SPON1: variants seen among roughly 807,000 people sequenced by gnomAD.
SPON1 encodes spondin 1, also known as spondin-1.
In SPON1, 52 loss-of-function variants were observed where a neutral mutation model predicts 111.7. The ratio of observed to expected loss-of-function variants is 0.47; its 90% confidence interval spans 0.37 to 0.59. SPON1 has a LOEUF of 0.59. Ranked by LOEUF, SPON1 falls within the 20% of genes least tolerant of loss-of-function variation. The pLI is 0.00. For missense variants in SPON1, 957 were observed against 1,068.5 expected (o/e 0.90, Z 1.46); for synonymous variants, 410 against 395.8 (o/e 1.04, Z -0.43).
At chr11:14,181,863 T>C (rs1848238266) in intron 6 of SPON1, among the ~76,000 whole-genome samples, 1 of 152,226 alleles carries the variant, frequency 6.6e-6, no homozygotes, top group Non-Finnish European at 1.5e-5. Context: ...TTGTTTTTTG[T>C]TTTTAGTAAT....
chr11:13,983,276 C>T (rs1554909929), intron 2 of SPON1, among the ~76,000 whole-genome samples: 2 of 152,238 alleles, frequency 1.3e-5, no homozygotes, highest in Admixed American at 6.5e-5. Flanking sequence ...ACAGGCATTT[C>T]GTGATTGACT....
Position 14,262,933 on chromosome 11 carries a change from AGTGAGCAGCTGAAGGAAGAGTCTGAAG to A in SPON1, c.2220_2246del (p.Ser740_Gly749delinsArg). On this transcript the variant is annotated inframe_deletion, in exon 15 of 16. Coordinates refer to ENST00000576479, the MANE Select transcript of SPON1 (RefSeq NM_006108.4). ...GAGGGAGGCCCGAGAGAGCCGGCGG[AGTGAGCAGCTGAAGGAAGAGTCTGAAG>A]GGGAGCAGTTCCCAGGTATGGCTCC... 1.2e-6 allele frequency: 2 copies of A among 1,613,430 alleles called. No homozygotes were observed. The highest frequency in any genetic ancestry group is 1.7e-6 in the Non-Finnish European group (2 of 1,179,786).
chr11:14,042,215 A>C (rs1398278588), intron 3 of SPON1, among the ~76,000 whole-genome samples: 1 of 152,206 alleles, frequency 6.6e-6, no homozygotes, highest in African/African-American at 2.4e-5. Flanking sequence ...TCTGGAAGGT[A>C]GCATTATCTC....
At chr11:13,988,089 C>A (rs868934314) in intron 2 of SPON1, among the ~76,000 whole-genome samples, 3 of 151,892 alleles carry the variant, frequency 2.0e-5, no homozygotes, top group East Asian at 1.9e-4. Flanking sequence ...ATTCTGTGAG[C>A]AAAGTCAGTG....
chr11:14,161,111 A>T (rs61106776), intron 6 of SPON1, among the ~76,000 whole-genome samples: 14 of 94,364 alleles, frequency 1.5e-4, no homozygotes, highest in East Asian at 5.7e-4. Context: ...TTTTATATAT[A>T]TCTATATATC....
chr11:13,971,854 G>A (rs1404307105), intron 1 of SPON1, among the ~76,000 whole-genome samples: 2 of 152,164 alleles, frequency 1.3e-5, no homozygotes, highest in African/African-American at 4.8e-5. Context: ...GGGGAGAAGA[G>A]AACCATGAGT....
intron 5 of SPON1, among the ~76,000 whole-genome samples, chr11:14,118,834 C>G (rs1849284159): frequency 3.3e-5 from 5 of 152,190 alleles, no homozygotes; most frequent in Admixed American, 3.3e-4. Flanking sequence ...CAAATCTCAG[C>G]CCTGCCACCT....
chr11:14,160,898 TATATATTTA>T (rs1564919692), intron 6 of SPON1, among the ~76,000 whole-genome samples: 3 of 54,650 alleles, frequency 5.5e-5, no homozygotes, highest in African/African-American at 2.3e-4. Flanking sequence ...TATATATATT[TATATATTTA>T]TATATATATT....
intron 2 of SPON1, among the ~76,000 whole-genome samples, chr11:13,988,429 C>T (rs1370530317): frequency 1.3e-5 from 2 of 152,110 alleles, no homozygotes; most frequent in African/African-American, 4.8e-5. Flanking sequence ...GCTGAAGTTG[C>T]TTATCAGCTT....
chr11:14,171,329 T>G (rs2133882002), intron 6 of SPON1, among the ~76,000 whole-genome samples: 1 of 152,336 alleles, frequency 6.6e-6, no homozygotes, highest in Middle Eastern at 3.4e-3. Context: ...TTCTGTGGGA[T>G]TGGTACTGAT....
chr11:14,139,822 C>T (rs1455341765), intron 6 of SPON1, among the ~76,000 whole-genome samples: 1 of 151,942 alleles, frequency 6.6e-6, no homozygotes, highest in Non-Finnish European at 1.5e-5. Flanking sequence ...GAAAGTCTCC[C>T]TAACAAATGA....
In SPON1 at chr11:14,228,742, G is replaced by C. The variant is rs1392473238; in HGVS notation, c.826-14590G>C. On this transcript the variant is annotated intron_variant, in intron 6 of 15. Transcript: ENST00000576479. The surrounding 1 kb of genome is among the most constrained non-coding windows in gnomAD (Gnocchi z 4.2). ...TCACTCCTGAAGAGAGATCTGGACA[G>C]AGCGTCACATTGTCTTCCACACTAA... Among the ~76,000 whole-genome samples the C allele has an allele frequency of 6.6e-6, 1 of 152,202 alleles. No homozygotes were observed. The highest frequency in any genetic ancestry group is 2.4e-5 in the African/African-American group (1 of 41,444).
intron 5 of SPON1, among the ~76,000 whole-genome samples, chr11:14,121,292 T>A (rs1430618507): frequency 1.3e-5 from 2 of 152,154 alleles, no homozygotes; most frequent in Non-Finnish European, 2.9e-5. Context: ...AAGGGGTGAA[T>A]ATTACTGAAT....
intron 5 of SPON1, among the ~76,000 whole-genome samples, chr11:14,125,982 A>G (rs1355978400): frequency 1.3e-5 from 2 of 152,204 alleles, no homozygotes. Flanking sequence ...CCAGTGTTTT[A>G]GTTTAAGTCC....
chr11:13,984,253 T>A (rs1196146052), intron 2 of SPON1, among the ~76,000 whole-genome samples: 1 of 152,234 alleles, frequency 6.6e-6, no homozygotes, highest in African/African-American at 2.4e-5. Flanking sequence ...ATCCCCATTT[T>A]TGGACCAGGA....
chr11:14,113,789 A>G (rs1177877728), intron 5 of SPON1, among the ~76,000 whole-genome samples: 2 of 151,152 alleles, frequency 1.3e-5, no homozygotes, highest in African/African-American at 4.9e-5. Context: ...GTTTTTTAGT[A>G]GAGACGGGGT....
At chr11:14,257,677 A>G in intron 10 of SPON1, 39 bp from the exon 11 acceptor site, 1 of 1,551,124 alleles carries the variant, frequency 6.4e-7, no homozygotes, top group Non-Finnish European at 8.7e-7. Flanking sequence ...GGCAGCTCCC[A>G]TAGGTTCCCA....
At chr11:14,258,805 TACAA>T (rs1383800341) in intron 11 of SPON1, among the ~76,000 whole-genome samples, 1 of 152,172 alleles carries the variant, frequency 6.6e-6, no homozygotes, top group Non-Finnish European at 1.5e-5. Context: ...AAGTCATTCC[TACAA>T]ACAGGCGGGA....
chr11:14,129,698 C>A (rs2133857929), intron 5 of SPON1, among the ~76,000 whole-genome samples: 1 of 152,186 alleles, frequency 6.6e-6, no homozygotes, highest in East Asian at 1.9e-4. Context: ...CTTTGGGTAC[C>A]AATTTTCTAT....
Sources: gnomAD v4.1 joint callset for allele counts (sites outside exome capture counted in the v4.1 genomes callset) on GRCh38, gnomAD v4.1.1 for gene constraint, Gnocchi (gnomAD v3.1) non-coding constraint, MANE v1.5 for transcripts, NCBI Gene and HGNC (gene_info 2026-07-23, HGNC 2026-07-21) for gene names.